The following STX3 variants were observed in gnomAD, a reference collection of about 807,000 sequenced individuals.
STX3 encodes the protein syntaxin 3.
A neutral mutation model predicts 40.2 loss-of-function variants in STX3; 19 were observed. The ratio of observed to expected loss-of-function variants is 0.47; its 90% CI spans 0.33 to 0.69. The LOEUF (loss-of-function observed/expected upper bound fraction) is 0.69. Ranked by LOEUF, STX3 falls within the 30% of genes least tolerant of loss-of-function variation. The pLI is 0.02. For missense variants in STX3, 364 were observed against 366.7 expected, an observed-to-expected ratio of 0.99 and a Z score of 0.06; for synonymous variants, 122 against 132.2, an observed-to-expected ratio of 0.92 and a Z score of 0.53.
At chr11:59,754,925 A>G (rs1590733631), upstream of STX3, 1 of 150,566 alleles carries the variant, frequency 6.6e-6, no homozygotes. Context: ...CCATCCCCCC[A>G]CTTTCACTGC....
chr11:59,774,919 T>C (rs920997063), intron 2 of STX3, among the ~76,000 whole-genome samples: 2 of 152,170 alleles, frequency 1.3e-5, no homozygotes, highest in Non-Finnish European at 2.9e-5. Context: ...TGAATGATAA[T>C]TCAAAAAACA....
At chr11:59,789,938 T>C (rs1461562187) in intron 4 of STX3, among the ~76,000 whole-genome samples, 1 of 152,214 alleles carries the variant, frequency 6.6e-6, no homozygotes, top group Non-Finnish European at 1.5e-5. Flanking sequence ...CTTAGTTCTG[T>C]TGCTAGAGCC....
chr11:59,800,261 C>A (rs962523841), intron 10 of STX3: 2 of 985,386 alleles, frequency 2.0e-6, no homozygotes, highest in Middle Eastern at 5.2e-4. Flanking sequence ...GGTCTCTGAA[C>A]AGGAGGGTAG....
chr11:59,803,793 A>G lies in STX3; in HGVS notation c.*2969A>G, dbSNP rs1565198363. The G allele has an allele frequency of 6.5e-6, 1 of 152,724 alleles. No individual in the cohort carries two copies. Among genetic ancestry groups the G allele is most frequent in the South Asian group, 2.1e-4 (1 of 4,830 alleles). 9.5% of individuals were successfully genotyped at this position (152,724 alleles called of 1,614,324 possible). A position where few individuals can be genotyped will look rare whatever the true frequency, so the allele number is the denominator to read the frequency against. ...TGATCCCAGCCACGAACACCATGCT[A>G]TATAATCTATGATTTTTTTCCTCCA... is the stretch of plus-strand genomic sequence containing the variant. On this transcript the variant is annotated 3_prime_UTR_variant, in exon 11 of 11. Transcript: ENST00000337979.
chr11:59,793,496 C>G lies in STX3; in HGVS notation c.657C>G (p.Ala219=). 6.2e-7 allele frequency: 1 copy of G among 1,613,684 alleles called. No homozygotes were observed. Among genetic ancestry groups the G allele is most frequent in the African/African-American group, 1.3e-5 (1 of 75,018 alleles). ...KELHDMFMDI[A]MLVENQGEML... is the part of the protein sequence containing the mutation. ...TTCACGACATGTTTATGGACATCGC[C>G]ATGCTGGTGGAGAATCAGGTAAGTG... is the stretch of plus-strand genomic sequence containing the variant. The change falls in exon 8 of 11, where the codon GCC becomes GCG. Residue 219 remains alanine, a synonymous_variant. Transcript: ENST00000337979.
At chr11:59,764,536 T>C (rs1170829382) in intron 1 of STX3, among the ~76,000 whole-genome samples, 1 of 152,224 alleles carries the variant, frequency 6.6e-6, no homozygotes, top group Admixed American at 6.5e-5. Flanking sequence ...AGTTGGATTA[T>C]ATACACTGGT....
At chr11:59,786,139 C>T (rs1864754061) in intron 2 of STX3, among the ~76,000 whole-genome samples, 1 of 152,154 alleles carries the variant, frequency 6.6e-6, no homozygotes, top group African/African-American at 2.4e-5. Context: ...TCAGTTAGTA[C>T]AAGAACATAT....
intron 1 of STX3, among the ~76,000 whole-genome samples, chr11:59,761,485 C>T (rs1863031916): frequency 6.6e-6 from 1 of 152,172 alleles, no homozygotes; most frequent in South Asian, 2.1e-4. Context: ...TCTCTTATAC[C>T]TTCCCAGCCC....
At chr11:59,793,982 C>T (rs1016365306) in intron 8 of STX3, among the ~76,000 whole-genome samples, 6 of 152,106 alleles carry the variant, frequency 3.9e-5, no homozygotes, top group African/African-American at 1.4e-4. Flanking sequence ...CGTTTTAAAA[C>T]AGCCTCCTGA....
intron 10 of STX3, chr11:59,800,578 A>G (rs1174584078): frequency 1.1e-5 from 11 of 985,126 alleles, no homozygotes; most frequent in African/African-American, 1.7e-5. Flanking sequence ...TTCACTAGGG[A>G]TTGTCCCTTC....
In STX3 at chr11:59,795,491, C is replaced by G. The variant is rs1313088456; in HGVS notation, c.786+9C>G. 1 of 1,606,704 alleles carries G rather than the reference C, an allele frequency of 6.2e-7. No individual in the cohort carries two copies. The highest frequency in any genetic ancestry group is 8.5e-7 in the Non-Finnish European group (1 of 1,176,448). On this transcript the variant is annotated intron_variant, in intron 9 of 10. Coordinates refer to ENST00000337979, the MANE Select transcript of STX3 (RefSeq NM_004177.5). ...AGAGTCAGGCCCGGAAGGTGAGACT[C>G]TCCTGTGGCCTTCAGAGAAGAGAGT...
chr11:59,789,021 G>A (rs542140923), intron 4 of STX3, 74 bp downstream of exon 4: 105 of 1,336,706 alleles, frequency 7.9e-5, no homozygotes, highest in Middle Eastern at 5.6e-4. Flanking sequence ...CCAGCTTTCC[G>A]AACTGAAACT....
intron 1 of STX3, among the ~76,000 whole-genome samples, chr11:59,764,556 A>G (rs1863192451): frequency 6.6e-6 from 1 of 152,042 alleles, no homozygotes. Flanking sequence ...TATCTTTTTC[A>G]CTCATGCATA....
At chr11:59,781,599 G>A in intron 2 of STX3, 2 of 1,613,750 alleles carry the variant, frequency 1.2e-6, no homozygotes, top group Non-Finnish European at 1.7e-6. Flanking sequence ...GATACAATCT[G>A]GCTTGGCCAT....
chr11:59,764,918 A>G (rs1590753763), intron 1 of STX3, among the ~76,000 whole-genome samples: 1 of 147,674 alleles, frequency 6.8e-6, no homozygotes, highest in Non-Finnish European at 1.5e-5. Flanking sequence ...TATTATTATT[A>G]TTGTTAGGGC....
chr11:59,793,297 T>A, intron 7 of STX3, 83 bp from the exon 8 acceptor site: 1 of 1,601,104 alleles, frequency 6.2e-7, no homozygotes, highest in South Asian at 1.1e-5. Flanking sequence ...GGCAAGGAGC[T>A]CCCCAGGAGC....
chr11:59,781,923 C>T (rs1383414627), intron 2 of STX3, among the ~76,000 whole-genome samples: 6 of 152,246 alleles, frequency 3.9e-5, no homozygotes, highest in Middle Eastern at 3.4e-3. Flanking sequence ...CTTGTCACCT[C>T]GCAATAAGTT....
chr11:59,801,760 A>G lies in STX3; in HGVS notation c.*936A>G. ...TGTATTCTAATTGTGTATGAAATGT[A>G]TGTACACATAAGTGTGTGTGTCTCA... is the stretch of plus-strand genomic sequence containing the variant. On this transcript the variant is annotated 3_prime_UTR_variant, in exon 11 of 11. Transcript: ENST00000337979. 3.0e-6 allele frequency: 3 copies of G among 985,726 alleles called. No individual in the cohort carries two copies. The highest frequency in any genetic ancestry group is 3.6e-6 in the Non-Finnish European group (3 of 829,880). The allele number at this position is 985,726 out of a possible 1,614,324, so 61.1% of individuals were successfully genotyped here.
In STX3 at chr11:59,801,300, GT is replaced by G; in HGVS notation, c.*477del. 1 of 998,942 alleles carries G rather than the reference GT, an allele frequency of 1.0e-6. No individual in the cohort carries two copies. Among genetic ancestry groups the G allele is most frequent in the Non-Finnish European group, 1.2e-6 (1 of 838,050 alleles). 61.9% of individuals were successfully genotyped at this position (998,942 alleles called of 1,614,324 possible). On this transcript the variant is annotated 3_prime_UTR_variant, in exon 11 of 11. Transcript: ENST00000337979. ...TGGCAACAAGAAGGCTTGGATCTGA[GT>G]CTTCTACCTGGCAGGATGCCAATCC... is the stretch of plus-strand genomic sequence containing the variant.
Sources: allele counts gnomAD v4.1 joint callset (sites outside exome capture counted in the v4.1 genomes callset), GRCh38; gene constraint gnomAD v4.1.1; transcripts MANE v1.5; gene names NCBI Gene and HGNC (gene_info 2026-07-23, HGNC 2026-07-21).